Variants in BCAR3 observed in about 807,000 individuals in gnomAD.
BCAR3 encodes the protein breast cancer anti-estrogen resistance protein 3.
A neutral mutation model predicts 80.1 loss-of-function variants in BCAR3; 37 were observed. That is an observed-to-expected ratio of 0.46 (90% CI 0.36 to 0.61). BCAR3 has a LOEUF of 0.61. Ranked by LOEUF, BCAR3 falls within the 20% of genes least tolerant of loss-of-function variation. The pLI is 0.00. For missense variants in BCAR3, 978 were observed against 1,068.2 expected (o/e 0.92, Z 1.18); for synonymous variants, 389 against 418.9 (o/e 0.93, Z 0.87).
intron 8 of BCAR3, among the ~76,000 whole-genome samples, chr1:93,572,231 C>T (rs1673248691): frequency 6.6e-6 from 1 of 152,118 alleles, no homozygotes; most frequent in Non-Finnish European, 1.5e-5. Flanking sequence ...AATCTCTCCT[C>T]GGGGAATCCC....
intron 2 of BCAR3, among the ~76,000 whole-genome samples, chr1:93,747,872 C>A (rs1293060529): frequency 1.3e-5 from 2 of 151,516 alleles, no homozygotes; most frequent in Non-Finnish European, 2.9e-5. Flanking sequence ...CTGATGAAAA[C>A]CTCTAGGCTT....
intron 2 of BCAR3, among the ~76,000 whole-genome samples, chr1:93,839,885 G>C (rs976647010): frequency 6.6e-6 from 1 of 152,178 alleles, no homozygotes; most frequent in African/African-American, 2.4e-5. Context: ...GAGTCACTGA[G>C]GGGATCTTAG....
intron 2 of BCAR3, among the ~76,000 whole-genome samples, chr1:93,820,439 G>A (rs1218623152): frequency 1.3e-5 from 2 of 152,132 alleles, no homozygotes; most frequent in East Asian, 3.8e-4. Flanking sequence ...TATAAATTGG[G>A]GGTTCCCCAA....
In BCAR3 at chr1:93,719,588, T is replaced by C. The variant is rs373253905; in HGVS notation, c.-62-13446A>G. Among the ~76,000 whole-genome samples the C allele has an allele frequency of 1.5e-3, 234 of 151,956 alleles. 1 individual carries two copies. The highest frequency in any genetic ancestry group is 5.4e-3 in the African/African-American group (225 of 41,426). ...CGATCTCCTGACCTCGTGATCTGCC[T>C]GCCTCGGCCTCCCAAAGTGCTGGGA... On this transcript the variant is annotated intron_variant, in intron 2 of 13. Coordinates refer to the BCAR3 transcript ENST00000370244.
intron 2 of BCAR3, among the ~76,000 whole-genome samples, chr1:93,722,997 C>T (rs952189912): frequency 2.6e-5 from 4 of 152,096 alleles, no homozygotes; most frequent in South Asian, 4.1e-4. Flanking sequence ...AAGAAGCAGC[C>T]GTGATTAGAG....
chr1:93,564,221 C>G (rs1672828292), intron 11 of BCAR3, among the ~76,000 whole-genome samples: 1 of 151,174 alleles, frequency 6.6e-6, no homozygotes. Context: ...AGTCCTTTAT[C>G]AGATATATGT....
chr1:93,655,754 G>A (rs1647353609), intron 2 of BCAR3, among the ~76,000 whole-genome samples: 1 of 152,162 alleles, frequency 6.6e-6, no homozygotes, highest in African/African-American at 2.4e-5. Flanking sequence ...TGGTAAATCA[G>A]CTCTTTTAGG....
intron 2 of BCAR3, among the ~76,000 whole-genome samples, chr1:93,645,762 A>G (rs1055510458): frequency 2.1e-4 from 31 of 150,112 alleles, no homozygotes; most frequent in African/African-American, 7.1e-4. Flanking sequence ...TAAATATATA[A>G]TTTTATAATA....
chr1:93,656,618 T>TC (rs1647393366), intron 2 of BCAR3, among the ~76,000 whole-genome samples: 1 of 151,790 alleles, frequency 6.6e-6, no homozygotes, highest in African/African-American at 2.4e-5. Flanking sequence ...GTCTTTTTTT[T>TC]TTTTTTTGAG....
At chr1:93,656,262 A>G (rs561045958) in intron 2 of BCAR3, among the ~76,000 whole-genome samples, 1 of 149,710 alleles carries the variant, frequency 6.7e-6, no homozygotes, top group East Asian at 2.0e-4. Context: ...CTTTCTCTCA[A>G]TTTTCTCCTT....
At chr1:93,827,995 G>T (rs2100829246) in intron 2 of BCAR3, among the ~76,000 whole-genome samples, 1 of 152,280 alleles carries the variant, frequency 6.6e-6, no homozygotes, top group East Asian at 1.9e-4. Context: ...GCAGGGGATA[G>T]TGACTCATGC....
chr1:93,566,540 A>G (rs23766), intron 11 of BCAR3, among the ~76,000 whole-genome samples: 118,754 of 151,994 alleles, frequency 0.78, 46,833 homozygotes, highest in African/African-American at 0.88. Context: ...TTGTAAGAAA[A>G]ATCCGTTTAC....
chr1:93,812,145 A>G (rs953961337), intron 2 of BCAR3, among the ~76,000 whole-genome samples: 4 of 152,150 alleles, frequency 2.6e-5, no homozygotes, highest in Non-Finnish European at 5.9e-5. Flanking sequence ...GCTTCATATC[A>G]ATTTTGGTGG....
chr1:93,845,965 C>T (rs567864287), intron 1 of BCAR3, among the ~76,000 whole-genome samples: 2 of 152,310 alleles, frequency 1.3e-5, no homozygotes, highest in East Asian at 1.9e-4. Flanking sequence ...TTCATGAAAC[C>T]GTGAAAGCTA....
chr1:93,844,250 T>A (rs1023212315), intron 2 of BCAR3, among the ~76,000 whole-genome samples: 1 of 152,138 alleles, frequency 6.6e-6, no homozygotes, highest in African/African-American at 2.4e-5. Context: ...GAGGTTGCAG[T>A]GAGCCAAGAT....
rs149362502 is a variant in BCAR3 at position 93,726,794 on chromosome 1, T to A, written c.-62-20652A>T. Among the ~76,000 whole-genome samples, 314 of 152,282 alleles carry A rather than the reference T, an allele frequency of 2.1e-3. 7 individuals carry two copies. The East Asian group carries it at 0.045, about 22-fold the overall frequency. ...TATTGCTTTGCAGTAGTATCTTTTTTAAAAAAACAAACCACTAAATTTCTG... is the reference window on the plus strand; with the variant it reads ...TATTGCTTTGCAGTAGTATCTTTTTAAAAAAAACAAACCACTAAATTTCTG... On this transcript the variant is annotated intron_variant, in intron 2 of 13. Transcript: ENST00000370244.
In BCAR3 at chr1:93,571,794, G is replaced by T. The variant is rs754388397; in HGVS notation, c.1850C>A (p.Thr617Lys). 7.4e-6 allele frequency: 12 copies of T among 1,613,978 alleles called. No homozygotes were observed. The highest frequency in any genetic ancestry group is 8.5e-6 in the Non-Finnish European group (10 of 1,180,032). ...GGCCGCTCGGTCCTCCAAAGTGCCC[G>T]TGCATCCCAGAATGTCCACTGCAAT... The part of the protein sequence containing the change: ...IGIAVDILGC[T>K]GTLEDRAATL... Residue 617 changes from threonine (T) to lysine (K), a missense_variant, in exon 9 of 12, where the codon ACG (threonine) becomes AAG (lysine). By Grantham distance (78) the Thr-to-Lys change is moderately conservative. Transcript: ENST00000260502.
chr1:93,826,909 C>T (rs1654392959), intron 2 of BCAR3, among the ~76,000 whole-genome samples: 1 of 151,958 alleles, frequency 6.6e-6, no homozygotes, highest in South Asian at 2.1e-4. Context: ...GCAAAACCTC[C>T]CCAGGGAAAG....
intron 2 of BCAR3, among the ~76,000 whole-genome samples, chr1:93,715,954 A>G (rs1650175369): frequency 1.3e-5 from 2 of 152,236 alleles, no homozygotes; most frequent in Non-Finnish European, 2.9e-5. Flanking sequence ...CAAGGATGGC[A>G]TCCACCAACC....
Sources: gnomAD v4.1 joint callset for allele counts (sites outside exome capture counted in the v4.1 genomes callset) on GRCh38, gnomAD v4.1.1 for gene constraint, MANE v1.5 for transcripts, NCBI Gene and HGNC (gene_info 2026-07-23, HGNC 2026-07-21) for gene names.